FHIP1A: variants seen among roughly 807,000 people sequenced by gnomAD.
FHIP1A encodes FHF complex subunit HOOK-interacting protein 1A.
In FHIP1A, 61 loss-of-function variants were observed where a neutral mutation model predicts 88.6. The observed-to-expected ratio is 0.69, with a 90% CI of 0.56 to 0.85. The LOEUF (loss-of-function observed/expected upper bound fraction) is 0.85. Among genes scored for constraint, FHIP1A ranks in the 40% least tolerant of loss-of-function variants. The pLI is 0.00. For synonymous variants in FHIP1A, 478 were observed against 496.0 expected (o/e 0.96, Z 0.48); for missense variants, 1,154 against 1,273.5 (o/e 0.91, Z 1.43).
chr4:151,575,602 C>T (rs1037697241), intron 4 of FHIP1A, among the ~76,000 whole-genome samples: 2 of 152,068 alleles, frequency 1.3e-5, no homozygotes, highest in African/African-American at 4.8e-5. Flanking sequence ...AAAGGCCTTC[C>T]TTATTAAAAA....
chr4:151,661,322 C>G (rs35575908), intron 13 of FHIP1A, among the ~76,000 whole-genome samples: 1 of 151,898 alleles, frequency 6.6e-6, no homozygotes, highest in East Asian at 1.9e-4. Flanking sequence ...AAGACAGATT[C>G]TCAGCAACTT....
chr4:151,438,605 CTTTTTTT>C (rs200467402), intron 1 of FHIP1A, among the ~76,000 whole-genome samples: 1 of 132,462 alleles, frequency 7.5e-6, no homozygotes, highest in Non-Finnish European at 1.6e-5. Flanking sequence ...CGGTTTTTGC[CTTTTTTT>C]TTTTTTTTTT....
intron 3 of FHIP1A, among the ~76,000 whole-genome samples, chr4:151,528,875 G>A (rs1414032679): frequency 6.6e-6 from 1 of 152,146 alleles, no homozygotes; most frequent in Non-Finnish European, 1.5e-5. Flanking sequence ...AAAAGTATGA[G>A]AGCTTCTGGA....
intron 1 of FHIP1A, among the ~76,000 whole-genome samples, chr4:151,446,484 C>CTTTTT (rs372904502): frequency 2.2e-5 from 3 of 136,556 alleles, no homozygotes; most frequent in Admixed American, 7.4e-5. Flanking sequence ...TTTCCTTTTC[C>CTTTTT]TTTTTTTTTT....
intron 3 of FHIP1A, among the ~76,000 whole-genome samples, chr4:151,536,205 T>G (rs1732062140): frequency 6.6e-6 from 1 of 152,218 alleles, no homozygotes; most frequent in Non-Finnish European, 1.5e-5. Flanking sequence ...CTTTGCCCAG[T>G]TTCCCCCAGT....
rs1419839621 is a variant in FHIP1A, at chr4:151,512,411, G to A, written c.-123+29763G>A. Among the ~76,000 whole-genome samples the A allele has an allele frequency of 2.0e-5, 3 of 152,214 alleles. No homozygotes were observed. In the East Asian group the frequency reaches 5.8e-4, roughly 29 times the overall value. ...GCAGAGCGCCGCTCCTCCTCCAAAG[G>A]AACACAGCTCCTCACCAGCAACGGA... On this transcript the variant is annotated intron_variant, in intron 3 of 13. Coordinates refer to ENST00000435205, the MANE Select transcript of FHIP1A (RefSeq NM_001109977.3).
chr4:151,436,098 G>A (rs1031671315), intron 1 of FHIP1A, among the ~76,000 whole-genome samples: 2 of 152,076 alleles, frequency 1.3e-5, no homozygotes, highest in East Asian at 3.9e-4. Context: ...TCTTAAATAT[G>A]GCAGCGACGC....
Position 151,668,537 on chromosome 4 carries a change from C to A in FHIP1A, c.*5783C>A, listed in dbSNP as rs77372884. 1.8e-3 allele frequency among the ~76,000 whole-genome samples: 279 copies of A among 152,276 alleles called. No individual in the cohort carries two copies. The highest frequency in any genetic ancestry group is 6.5e-3 in the African/African-American group (271 of 41,558). On this transcript the variant is annotated 3_prime_UTR_variant, in exon 14 of 14. Transcript: ENST00000435205. ...GGTTCTTTTTCCTAGGCCTAGGCCT[C>A]CACCTTGAAAGACAGGAACAGAAGT...
At position 151,663,360 on chromosome 4, in the gene FHIP1A, C is replaced by A. The variant is rs953405155; in HGVS notation, c.*606C>A. ...GTGCCGGCAGAGCCTCAGCTATCTGCCTGGGAAGTCGGATGTCCTTGGAGA... is the reference window on the plus strand; with the variant it reads ...GTGCCGGCAGAGCCTCAGCTATCTGACTGGGAAGTCGGATGTCCTTGGAGA... On this transcript the variant is annotated 3_prime_UTR_variant, in exon 14 of 14. Coordinates refer to ENST00000435205, the MANE Select transcript of FHIP1A (RefSeq NM_001109977.3). 1 of 152,192 alleles carries A rather than the reference C, an allele frequency of 6.6e-6. No homozygotes were observed. The highest frequency in any genetic ancestry group is 2.4e-5 in the African/African-American group (1 of 41,434). 9.4% of individuals were successfully genotyped at this position (152,192 alleles called of 1,614,324 possible).
At chr4:151,573,573 T>C (rs1320041087) in intron 4 of FHIP1A, among the ~76,000 whole-genome samples, 1 of 151,890 alleles carries the variant, frequency 6.6e-6, no homozygotes, top group Non-Finnish European at 1.5e-5. Flanking sequence ...ATTAATTTTG[T>C]TTTTTTTCTC....
chr4:151,637,512 G>T (rs1036510493), intron 8 of FHIP1A, among the ~76,000 whole-genome samples: 2 of 152,068 alleles, frequency 1.3e-5, no homozygotes, highest in Admixed American at 6.6e-5. Context: ...AGCGGTAGGG[G>T]TTACTATGCA....
At chr4:151,424,401 A>G (rs1469323192) in intron 1 of FHIP1A, among the ~76,000 whole-genome samples, 1 of 152,096 alleles carries the variant, frequency 6.6e-6, no homozygotes, top group Non-Finnish European at 1.5e-5. Flanking sequence ...CCGAGGGGAG[A>G]AGAGGAGGGC....
chr4:151,536,822 C>T (rs1732086377), intron 3 of FHIP1A, among the ~76,000 whole-genome samples: 1 of 152,064 alleles, frequency 6.6e-6, no homozygotes, highest in South Asian at 2.1e-4. Context: ...GGGATTAATG[C>T]CCAGCAGGTC....
rs545142698 is a variant in FHIP1A at position 151,441,268 on chromosome 4, G to T, written c.-355-13433G>T. 2.0e-5 allele frequency among the ~76,000 whole-genome samples: 3 copies of T among 151,422 alleles called. No homozygotes were observed. The East Asian group carries it at 5.8e-4, about 29-fold the overall frequency. ...TGACTTAAAGTAAGTGCATTTACTGGCCTGTGATGAAGTTTTCAAGGGGTT... is the reference window on the plus strand; with the variant it reads ...TGACTTAAAGTAAGTGCATTTACTGTCCTGTGATGAAGTTTTCAAGGGGTT... On this transcript the variant is annotated intron_variant, in intron 1 of 13. Coordinates refer to ENST00000435205, the MANE Select transcript of FHIP1A (RefSeq NM_001109977.3).
intron 7 of FHIP1A, among the ~76,000 whole-genome samples, chr4:151,620,729 C>T (rs1472696776): frequency 6.6e-6 from 1 of 151,160 alleles, no homozygotes; most frequent in Non-Finnish European, 1.5e-5. Flanking sequence ...TTACATTGAT[C>T]TCTGATTTGA....
intron 2 of FHIP1A, among the ~76,000 whole-genome samples, chr4:151,473,270 A>G (rs1042770194): frequency 1.3e-5 from 2 of 152,164 alleles, no homozygotes; most frequent in Admixed American, 1.3e-4. Context: ...ACTTTCCTGT[A>G]TTAAGCCGAG....
chr4:151,462,102 C>T (rs192762746), intron 2 of FHIP1A, among the ~76,000 whole-genome samples: 1 of 152,046 alleles, frequency 6.6e-6, no homozygotes, highest in Admixed American at 6.6e-5. Flanking sequence ...TTGAGGTTGC[C>T]GTGAGCTGTG....
intron 7 of FHIP1A, among the ~76,000 whole-genome samples, chr4:151,600,656 G>A (rs1026109740): frequency 3.9e-5 from 6 of 152,182 alleles, no homozygotes; most frequent in African/African-American, 1.4e-4. Context: ...ACTGCTCTGC[G>A]ATGTCTGGGG....
chr4:151,631,346 A>G (rs1736150705), intron 8 of FHIP1A, among the ~76,000 whole-genome samples: 1 of 152,154 alleles, frequency 6.6e-6, no homozygotes, highest in African/African-American at 2.4e-5. Flanking sequence ...ACCATGAGCA[A>G]CTATATGCCA....
Sources: allele counts gnomAD v4.1 joint callset (sites outside exome capture counted in the v4.1 genomes callset), GRCh38; gene constraint gnomAD v4.1.1; transcripts MANE v1.5; gene names NCBI Gene and HGNC (gene_info 2026-07-23, HGNC 2026-07-21).